Variants in EPB41 observed in about 807,000 individuals in gnomAD.
EPB41 encodes erythrocyte membrane protein band 4.1.
A neutral mutation model predicts 108.0 loss-of-function variants in EPB41; 65 were observed. That is an observed-to-expected ratio of 0.60 (90% confidence interval 0.49 to 0.74). The LOEUF (loss-of-function observed/expected upper bound fraction) is 0.74. EPB41 is among the 30% of genes least tolerant of loss of function. The pLI, the probability that EPB41 is intolerant of heterozygous loss-of-function variation, is 0.00. For missense variants in EPB41, 875 were observed against 1,037.0 expected (o/e 0.84, Z 2.15); for synonymous variants, 336 against 358.9 (o/e 0.94, Z 0.72).
At chr1:29,026,898 C>T (rs2150203491) in intron 7 of EPB41, among the ~76,000 whole-genome samples, 1 of 152,054 alleles carries the variant, frequency 6.6e-6, no homozygotes, top group East Asian at 1.9e-4. Flanking sequence ...TTGAGATCAG[C>T]CTGGCCAATA....
intron 4 of EPB41, among the ~76,000 whole-genome samples, chr1:28,999,384 AG>A (rs1028139811): frequency 4.6e-5 from 7 of 152,192 alleles, no homozygotes; most frequent in Admixed American, 4.6e-4. Context: ...AAAAGAAAAA[AG>A]AAAATTCTCC....
intron 1 of EPB41, among the ~76,000 whole-genome samples, chr1:28,976,023 T>C (rs1391168985): frequency 1.3e-5 from 2 of 151,148 alleles, no homozygotes; most frequent in South Asian, 2.1e-4. Flanking sequence ...ATAGAGGTGG[T>C]CTTAGCCAGA....
rs548536026 is a variant in EPB41 at position 29,009,592 on chromosome 1, G to A, written c.787-2273G>A. On this transcript the variant is annotated intron_variant, in intron 4 of 20. Coordinates refer to ENST00000343067, the MANE Select transcript of EPB41 (RefSeq NM_001376013.1). ...TAAAAAGTGGTAGTAGTTCTGGATT[G>A]CATGGTATAAACCAAGGTTCTCAGA... Among the ~76,000 whole-genome samples the A allele has an allele frequency of 2.4e-4, 36 of 152,256 alleles. 1 individual carries two copies. In the South Asian group the frequency reaches 7.0e-3, roughly 30 times the overall value.
At chr1:29,034,499 T>C (rs1348234336) in intron 9 of EPB41, among the ~76,000 whole-genome samples, 1 of 152,196 alleles carries the variant, frequency 6.6e-6, no homozygotes, top group Non-Finnish European at 1.5e-5. Context: ...AGCAAATAAC[T>C]TCTCTGACCT....
intron 1 of EPB41, among the ~76,000 whole-genome samples, chr1:28,890,547 G>A (rs1199496285): frequency 6.6e-6 from 1 of 152,174 alleles, no homozygotes; most frequent in Non-Finnish European, 1.5e-5. Flanking sequence ...CACGTGAGGG[G>A]ATAGGATGGA....
At chr1:28,922,526 G>A (rs1017279521) in intron 1 of EPB41, among the ~76,000 whole-genome samples, 4 of 151,586 alleles carry the variant, frequency 2.6e-5, no homozygotes, top group African/African-American at 4.9e-5. Flanking sequence ...TTGAACTCCC[G>A]GGCACAAGCA....
chr1:29,008,753 G>C (rs962036029), intron 4 of EPB41, among the ~76,000 whole-genome samples: 1 of 152,144 alleles, frequency 6.6e-6, no homozygotes. Context: ...GGTCCTTACT[G>C]TTCTTTTCAG....
intron 3 of EPB41, among the ~76,000 whole-genome samples, chr1:28,996,441 C>G (rs1319685764): frequency 6.6e-6 from 1 of 152,114 alleles, no homozygotes; most frequent in Admixed American, 6.5e-5. Context: ...TTCTTTGGGA[C>G]ATTTGGTCTG....
At chr1:29,078,863 C>G (rs543901784) in intron 16 of EPB41, among the ~76,000 whole-genome samples, 37 of 152,212 alleles carry the variant, frequency 2.4e-4, no homozygotes, top group African/African-American at 8.7e-4. Context: ...CCTAGATATC[C>G]CCTTCATTTG....
At chr1:29,099,049 C>T (rs1664290878) in intron 17 of EPB41, among the ~76,000 whole-genome samples, 1 of 149,754 alleles carries the variant, frequency 6.7e-6, no homozygotes, top group Non-Finnish European at 1.5e-5. Flanking sequence ...TGGCTCACGC[C>T]TGTAATACCA....
At chr1:28,895,932 C>T (rs1286920587) in intron 1 of EPB41, among the ~76,000 whole-genome samples, 1 of 152,144 alleles carries the variant, frequency 6.6e-6, no homozygotes, top group African/African-American at 2.4e-5. Flanking sequence ...TAAATTCATG[C>T]ACACACACTG....
chr1:29,026,434 T>C (rs2096720296), intron 7 of EPB41, among the ~76,000 whole-genome samples: 1 of 152,194 alleles, frequency 6.6e-6, no homozygotes, highest in South Asian at 2.1e-4. Flanking sequence ...ATACATACTC[T>C]AACTCTACAT....
At chr1:28,951,078 G>A (rs564369132) in intron 1 of EPB41, among the ~76,000 whole-genome samples, 12 of 151,972 alleles carry the variant, frequency 7.9e-5, no homozygotes, top group South Asian at 4.2e-4. Flanking sequence ...CAGGTGATCC[G>A]CCTGCCTCAG....
chr1:29,042,637 C>T (rs1158304344), intron 11 of EPB41, among the ~76,000 whole-genome samples: 3 of 152,038 alleles, frequency 2.0e-5, no homozygotes, highest in African/African-American at 7.2e-5. Context: ...TGCCACCATA[C>T]CTGGCTAATT....
At chr1:28,889,919 T>C in intron 1 of EPB41, 2 of 857,874 alleles carry the variant, frequency 2.3e-6, no homozygotes, top group Non-Finnish European at 1.4e-6. Flanking sequence ...TGAGATTTGT[T>C]AGGGGTTTGC....
intron 3 of EPB41, among the ~76,000 whole-genome samples, chr1:28,994,636 TA>T (rs1213255721): frequency 9.1e-6 from 1 of 110,290 alleles, no homozygotes; most frequent in African/African-American, 3.3e-5. Flanking sequence ...CAAACTATTT[TA>T]TTTATTTATT....
intron 10 of EPB41, 81 bp from the exon 11 acceptor site, chr1:29,039,173 C>T: frequency 6.9e-7 from 1 of 1,453,254 alleles, no homozygotes; most frequent in South Asian, 1.3e-5. Context: ...CTTTTTTATT[C>T]TTGATTTTGT....
At chr1:29,070,329 A>T (rs1173727789) in intron 16 of EPB41, 1 of 1,222,840 alleles carries the variant, frequency 8.2e-7, no homozygotes, top group African/African-American at 1.6e-5. Context: ...TGTTCATCTT[A>T]TTCTGTCTTT....
intron 5 of EPB41, 144 bp downstream of exon 5, chr1:29,012,051 AAGG>A (rs2096511414): frequency 1.2e-6 from 1 of 823,404 alleles, no homozygotes; most frequent in African/African-American, 1.7e-5. Context: ...CTTCTCCTGG[AAGG>A]AGGAGATTCC....
Sources: gnomAD v4.1 joint callset for allele counts (sites outside exome capture counted in the v4.1 genomes callset) on GRCh38, gnomAD v4.1.1 for gene constraint, MANE v1.5 for transcripts, NCBI Gene and HGNC (gene_info 2026-07-23, HGNC 2026-07-21) for gene names.